Variants in TRANK1 observed in about 807,000 individuals in gnomAD.
TRANK1 encodes tetratricopeptide repeat and ankyrin repeat containing 1.
Under a neutral mutation model 266.0 loss-of-function variants are expected in TRANK1, and 198 were observed. That is an observed-to-expected ratio of 0.74 (90% CI 0.66 to 0.84). The LOEUF is 0.84. TRANK1 is among the 40% of genes least tolerant of loss of function. The pLI is 0.00. For synonymous variants in TRANK1, 1,396 were observed against 1,384.1 expected (o/e 1.01, Z -0.19); for missense variants, 3,326 against 3,634.6 (o/e 0.92, Z 2.18).
intron 15 of TRANK1, 69 bp from the exon 16 acceptor site, chr3:36,847,415 C>A (rs2078930507): frequency 6.4e-7 from 1 of 1,550,942 alleles, no homozygotes; most frequent in Non-Finnish European, 8.8e-7. Context: ...CCTCCCTGAG[C>A]TTCATGGAAA....
intron 8 of TRANK1, among the ~76,000 whole-genome samples, chr3:36,885,175 ACAAATAATCAAGGTTAACAAATAAT>A (rs1236143465): frequency 2.6e-5 from 4 of 152,200 alleles, no homozygotes; most frequent in South Asian, 2.1e-4. Context: ...CCCACACATC[ACAAATAATCAAGGTTAACAAATAAT>A]CAAATAATCA....
chr3:36,906,190 C>G lies in TRANK1; in HGVS notation c.155+2133G>C, dbSNP rs2079964807. On this transcript the variant is annotated intron_variant, in intron 2 of 23. Transcript: ENST00000645898. The stretch of plus-strand genomic sequence containing the variant: ...GGCAGAACTGCAGAAACTACAGACA[C>G]AAGCTAATTACACTCAACTCAACCT... Among the ~76,000 whole-genome samples the G allele has an allele frequency of 2.0e-5, 3 of 152,216 alleles. No individual in the cohort carries two copies. In the South Asian group the frequency reaches 6.2e-4, roughly 32 times the overall value.
At chr3:36,894,590 T>C (rs1575277397) in intron 5 of TRANK1, among the ~76,000 whole-genome samples, 1 of 152,176 alleles carries the variant, frequency 6.6e-6, no homozygotes, top group Non-Finnish European at 1.5e-5. Context: ...AGGGAGCCCA[T>C]GGCTGGACTC....
intron 1 of TRANK1, among the ~76,000 whole-genome samples, chr3:36,932,368 C>T (rs970008235): frequency 6.6e-6 from 1 of 152,072 alleles, no homozygotes; most frequent in African/African-American, 2.4e-5. Flanking sequence ...ATCAGGAGTT[C>T]GAGACCAGCC....
intron 23 of TRANK1, among the ~76,000 whole-genome samples, chr3:36,828,689 C>A (rs2078658391): frequency 6.6e-6 from 1 of 152,178 alleles, no homozygotes; most frequent in Admixed American, 6.5e-5. Flanking sequence ...AATTAAGTTC[C>A]TTTATAGGCT....
chr3:36,944,978 T>A lies in TRANK1; in HGVS notation c.-169A>T. On this transcript the variant is annotated 5_prime_UTR_variant, in exon 1 of 24. Coordinates refer to ENST00000645898, the MANE Select transcript of TRANK1 (RefSeq NM_001329998.2). ...GGCCCCCAGCTGCCTGCGGCTCGGC[T>A]ACCCAGCCGCGATCAGAGGGGGCGG... 5.3e-6 allele frequency: 3 copies of A among 568,482 alleles called. No homozygotes were observed. Among genetic ancestry groups the A allele is most frequent in the Non-Finnish European group, 5.6e-6 (2 of 356,060 alleles). 35.2% of individuals were successfully genotyped at this position (568,482 alleles called of 1,614,324 possible). A position where few individuals can be genotyped will look rare whatever the true frequency, so the allele number is the denominator to read the frequency against.
intron 5 of TRANK1, among the ~76,000 whole-genome samples, chr3:36,895,054 G>T (rs2079768425): frequency 6.6e-6 from 1 of 152,158 alleles, no homozygotes; most frequent in Non-Finnish European, 1.5e-5. Context: ...TTTATATAAT[G>T]CAACTTACAA....
Position 36,832,416 on chromosome 3 carries a change from C to T in TRANK1, c.7167G>A (p.Met2389Ile). Residue 2389 changes from methionine (M) to isoleucine (I), a missense_variant, in exon 22 of 24, where the codon ATG (methionine) becomes ATA (isoleucine). Transcript: ENST00000645898. ...RIKGIEGKFGMLAPNRDDENM... is the reference protein window; with the variant it reads ...RIKGIEGKFGILAPNRDDENM... ...TTTCATCATCCCTGTTGGGTGCCAG[C>T]ATGCCAAATTTCCCTTCTATTCCTT... 1.2e-6 allele frequency: 2 copies of T among 1,614,042 alleles called. No individual in the cohort carries two copies. Among genetic ancestry groups the T allele is most frequent in the Non-Finnish European group, 1.7e-6 (2 of 1,179,904 alleles).
rs370920673 is a variant in TRANK1 at position 36,851,323 on chromosome 3, T to A, written c.4887+396A>T. On this transcript the variant is annotated intron_variant, in intron 15 of 23. Coordinates refer to ENST00000645898, the MANE Select transcript of TRANK1 (RefSeq NM_001329998.2). ...CCTGGAATTGTCTCTATCTATGAACTGACCTTACCCAGTTCTGTCATCACA... is the reference window on the plus strand; with the variant it reads ...CCTGGAATTGTCTCTATCTATGAACAGACCTTACCCAGTTCTGTCATCACA... The A allele has an allele frequency of 1.4e-5, 14 of 995,804 alleles. No individual in the cohort carries two copies. In the East Asian group the frequency reaches 5.5e-4, roughly 39 times the overall value. 61.7% of individuals were successfully genotyped at this position (995,804 alleles called of 1,614,324 possible). A position where few individuals can be genotyped will look rare whatever the true frequency, so the allele number is the denominator to read the frequency against.
chr3:36,847,437 T>G, intron 15 of TRANK1, 91 bp from the exon 16 acceptor site: 2 of 1,433,652 alleles, frequency 1.4e-6, no homozygotes, highest in South Asian at 1.3e-5. Context: ...CTAAGCCTCA[T>G]CGGGGGACCA....
chr3:36,883,343 G>T (rs1027897509), intron 8 of TRANK1, among the ~76,000 whole-genome samples: 1 of 151,838 alleles, frequency 6.6e-6, no homozygotes, highest in Non-Finnish European at 1.5e-5. Flanking sequence ...TACTCAGGAG[G>T]CTGAGGTGGT....
At chr3:36,830,608 G>C (rs1439502710) in intron 22 of TRANK1, among the ~76,000 whole-genome samples, 1 of 152,228 alleles carries the variant, frequency 6.6e-6, no homozygotes, top group Non-Finnish European at 1.5e-5. Flanking sequence ...TTAACCCTCT[G>C]TAGGAAGAGG....
intron 20 of TRANK1, among the ~76,000 whole-genome samples, 164 bp from the exon 21 acceptor site, chr3:36,835,071 G>T (rs907528636): frequency 6.6e-6 from 1 of 152,090 alleles, no homozygotes; most frequent in Non-Finnish European, 1.5e-5. Flanking sequence ...TGTAATCCCA[G>T]CACTTTGGGA....
chr3:36,833,829 A>G lies in TRANK1; in HGVS notation c.5754T>C (p.Tyr1918=). 1 of 1,614,026 alleles carries G rather than the reference A, an allele frequency of 6.2e-7. No homozygotes were observed. Among genetic ancestry groups the G allele is most frequent in the South Asian group, 1.1e-5 (1 of 91,090 alleles). The part of the protein sequence containing the change: ...SQFYLEAAAK[Y]LSANKMKEMM... ...TTTCCTTCATCTTATTTGCACTCAG[A>G]TACTTTGCTGCAGCTTCCAAGTAAA... Residue 1918 remains tyrosine (Y), a synonymous_variant, in exon 22 of 24, where the codon TAT becomes TAC. Transcript: ENST00000645898.
intron 3 of TRANK1, among the ~76,000 whole-genome samples, chr3:36,899,539 G>C (rs1247389560): frequency 2.6e-5 from 4 of 152,138 alleles, no homozygotes; most frequent in African/African-American, 7.2e-5. Flanking sequence ...ATACCTTGTA[G>C]TCCCAGCTAC....
At chr3:36,869,643 G>T (rs371563239) in intron 9 of TRANK1, among the ~76,000 whole-genome samples, 1 of 152,342 alleles carries the variant, frequency 6.6e-6, no homozygotes, top group African/African-American at 2.4e-5. Flanking sequence ...CCATGGCCCT[G>T]GGCCTCCTCC....
At chr3:36,922,245 A>C (rs1343996577) in intron 1 of TRANK1, among the ~76,000 whole-genome samples, 2 of 152,224 alleles carry the variant, frequency 1.3e-5, no homozygotes, top group African/African-American at 4.8e-5. Flanking sequence ...TCTATCTGGA[A>C]CATTCTGTCC....
At position 36,944,826 on chromosome 3, in the gene TRANK1, T is replaced by C. The variant is rs2125677626; in HGVS notation, c.-17A>G. On this transcript the variant is annotated 5_prime_UTR_variant, in exon 1 of 24. Transcript: ENST00000645898. ...GTCCCACATGGCTGCGGCCGGAGGG[T>C]CCGCACCAGGACCGCCGCCGCCTGG... 6.7e-7 allele frequency: 1 copy of C among 1,481,804 alleles called. No homozygotes were observed. Among genetic ancestry groups the C allele is most frequent in the Non-Finnish European group, 8.9e-7 (1 of 1,123,198 alleles). The allele number at this position is 1,481,804 out of a possible 1,614,324, so 91.8% of individuals were successfully genotyped here. A position where few individuals can be genotyped will look rare whatever the true frequency, so the allele number is the denominator to read the frequency against.
Position 36,889,824 on chromosome 3 carries a change from C to A in TRANK1, c.907+5G>T. The stretch of plus-strand genomic sequence containing the variant: ...GCGCACCCTCTGGGTAATGCCACTA[C>A]TCACGCTTAACGAGGTATCCTGGGG... On this transcript the variant is annotated splice_donor_5th_base_variant and intron_variant, in intron 8 of 23. Transcript: ENST00000645898. The A allele has an allele frequency of 5.2e-6, 8 of 1,533,626 alleles. No homozygotes were observed. The highest frequency in any genetic ancestry group is 7.0e-6 in the Non-Finnish European group (8 of 1,145,410).
Sources: gnomAD v4.1 joint callset for allele counts (sites outside exome capture counted in the v4.1 genomes callset) on GRCh38, gnomAD v4.1.1 for gene constraint, MANE v1.5 for transcripts, NCBI Gene and HGNC (gene_info 2026-07-23, HGNC 2026-07-21) for gene names.